HS1BP3: variants seen among roughly 807,000 people sequenced by gnomAD.
The protein encoded by HS1BP3 is HCLS1 binding protein 3, also known as HCLS1-binding protein 3.
Under a neutral mutation model 33.5 loss-of-function variants are expected in HS1BP3, and 32 were observed. That is an observed-to-expected ratio of 0.95 (90% confidence interval 0.72 to 1.28). The LOEUF (loss-of-function observed/expected upper bound fraction) is 1.28. Ranked by LOEUF, HS1BP3 falls within the 50% of genes most tolerant of loss-of-function variation. The pLI is 0.00. For missense variants in HS1BP3, 486 were observed against 502.3 expected (o/e 0.97, Z 0.31); for synonymous variants, 187 against 209.2 (o/e 0.89, Z 0.92).
At position 20,623,885 on chromosome 2, in the gene HS1BP3, A is replaced by T; in HGVS notation, c.920+11T>A. The T allele has an allele frequency of 6.2e-7, 1 of 1,609,590 alleles. No individual in the cohort carries two copies. The highest frequency in any genetic ancestry group is 8.5e-7 in the Non-Finnish European group (1 of 1,179,004). ...CAGAGCTGGCCAAGCGCCGCTGGGG[A>T]CAGGTGGTACCTGAACAGTTCCTTG... On this transcript the variant is annotated intron_variant, in intron 6 of 6. Coordinates refer to ENST00000304031, the MANE Select transcript of HS1BP3 (RefSeq NM_022460.4).
At chr2:20,598,653 G>A (rs1380106928) in intron 2 of HS1BP3, among the ~76,000 whole-genome samples, 2 of 132,772 alleles carry the variant, frequency 1.5e-5, no homozygotes, top group Non-Finnish European at 3.1e-5. Flanking sequence ...CCGCCTCCCG[G>A]GTTCACGCCA....
At chr2:20,582,711 T>A (rs1382015703) in intron 5 of HS1BP3, among the ~76,000 whole-genome samples, 1 of 152,114 alleles carries the variant, frequency 6.6e-6, no homozygotes, top group East Asian at 1.9e-4. Flanking sequence ...TGGCACTGTA[T>A]GTCCCAACTG....
At chr2:20,606,464 T>C (rs1694179213) in intron 2 of HS1BP3, 2 of 482,864 alleles carry the variant, frequency 4.1e-6, no homozygotes, top group Admixed American at 2.3e-5. Flanking sequence ...AAGTTTACAG[T>C]TGGGAACTTC....
In HS1BP3 at chr2:20,645,453, C is replaced by G. The variant is rs140634250; in HGVS notation, c.85G>C (p.Glu29Gln). The G allele has an allele frequency of 1.2e-6, 2 of 1,614,090 alleles. No individual in the cohort carries two copies. Among genetic ancestry groups the G allele is most frequent in the Non-Finnish European group, 1.7e-6 (2 of 1,180,002 alleles). Residue 29 changes from glutamate (E) to glutamine (Q), a missense_variant, in exon 2 of 7, where the codon GAG becomes CAG. Coordinates refer to ENST00000304031, the MANE Select transcript of HS1BP3 (RefSeq NM_022460.4). ...GLDLTVPQHQ[E>Q]VRGKMMSGHV... ...CCAGACATCATCTTGCCCCGTACCT[C>G]CTGGTGCTGGGGCACAGTCAGGTCG...
chr2:20,588,605 A>G (rs1693738189), downstream of HS1BP3, among the ~76,000 whole-genome samples: 1 of 152,146 alleles, frequency 6.6e-6, no homozygotes, highest in Non-Finnish European at 1.5e-5. Context: ...GGGGTTACAC[A>G]GGTGAACCAC....
At chr2:20,603,797 A>C (rs563645949) in intron 2 of HS1BP3, among the ~76,000 whole-genome samples, 1 of 152,338 alleles carries the variant, frequency 6.6e-6, no homozygotes, top group East Asian at 1.9e-4. Context: ...TGCTTGGCCT[A>C]CTCAGTAGAC....
chr2:20,562,140 T>C (rs1438188284), intron 5 of HS1BP3, among the ~76,000 whole-genome samples: 1 of 152,172 alleles, frequency 6.6e-6, no homozygotes, highest in East Asian at 1.9e-4. Flanking sequence ...TAGGCATCTC[T>C]TTCAACTCCG....
intron 2 of HS1BP3, among the ~76,000 whole-genome samples, chr2:20,606,018 C>T (rs1694169262): frequency 1.3e-5 from 2 of 152,144 alleles, no homozygotes; most frequent in Admixed American, 6.5e-5. Flanking sequence ...TGAGGAACCA[C>T]CACACTATTT....
intron 5 of HS1BP3, among the ~76,000 whole-genome samples, chr2:20,573,495 G>A (rs1424295263): frequency 6.6e-6 from 1 of 152,186 alleles, no homozygotes; most frequent in Non-Finnish European, 1.5e-5. Flanking sequence ...TAATTCAGCA[G>A]GTTTTGAGTT....
At chr2:20,583,952 G>A (rs1251778297) in intron 5 of HS1BP3, among the ~76,000 whole-genome samples, 1 of 152,180 alleles carries the variant, frequency 6.6e-6, no homozygotes, top group Non-Finnish European at 1.5e-5. Flanking sequence ...CCACGGCTCC[G>A]GGTTTCTGAA....
chr2:20,603,963 T>A (rs1427999333), intron 2 of HS1BP3, among the ~76,000 whole-genome samples: 1 of 152,194 alleles, frequency 6.6e-6, no homozygotes, highest in Non-Finnish European at 1.5e-5. Flanking sequence ...GCACTGGGTC[T>A]AGAGAGTGCT....
intron 2 of HS1BP3, among the ~76,000 whole-genome samples, chr2:20,609,322 A>G (rs1572330281): frequency 6.6e-6 from 1 of 152,124 alleles, no homozygotes; most frequent in Admixed American, 6.5e-5. Context: ...AGGACCATGC[A>G]CTCCCCAAGC....
At chr2:20,616,368 T>TA (rs1694425633), downstream of HS1BP3, among the ~76,000 whole-genome samples, 1 of 152,204 alleles carries the variant, frequency 6.6e-6, no homozygotes, top group African/African-American at 2.4e-5. Flanking sequence ...CAGAACTCTC[T>TA]ACTTCAGCAT....
At chr2:20,559,309 C>G (rs73916863), downstream of HS1BP3, among the ~76,000 whole-genome samples, 1 of 152,240 alleles carries the variant, frequency 6.6e-6, no homozygotes, top group Non-Finnish European at 1.5e-5. Context: ...CCATGAGGCC[C>G]GATCTGACTC....
chr2:20,649,185 C>A (rs1695610074), intron 1 of HS1BP3, among the ~76,000 whole-genome samples: 1 of 152,234 alleles, frequency 6.6e-6, no homozygotes, highest in Admixed American at 6.5e-5. Context: ...CCTTCTCGGC[C>A]TTTCCTGATC....
At chr2:20,619,343 C>A in intron 6 of HS1BP3, 98 bp from the exon 7 acceptor site, 1 of 1,094,230 alleles carries the variant, frequency 9.1e-7, no homozygotes, top group Non-Finnish European at 1.3e-6. Flanking sequence ...GGCTGGGCAG[C>A]GGCAGGGAGC....
chr2:20,619,943 G>A (rs1232068178), intron 6 of HS1BP3, among the ~76,000 whole-genome samples: 1 of 152,194 alleles, frequency 6.6e-6, no homozygotes. Flanking sequence ...GGATGGCCTC[G>A]GCCAGGGCCC....
chr2:20,639,330 T>C (rs777833814), intron 3 of HS1BP3, among the ~76,000 whole-genome samples: 1 of 152,256 alleles, frequency 6.6e-6, no homozygotes, highest in Non-Finnish European at 1.5e-5. Flanking sequence ...AGAAACTTCA[T>C]AGCATGCTGC....
At chr2:20,577,988 T>C (rs1693441714) in intron 5 of HS1BP3, among the ~76,000 whole-genome samples, 3 of 152,196 alleles carry the variant, frequency 2.0e-5, no homozygotes, top group Admixed American at 2.0e-4. Flanking sequence ...GCTGAGTAGG[T>C]TGTGGCCAGG....
Sources: allele counts gnomAD v4.1 joint callset (sites outside exome capture counted in the v4.1 genomes callset), GRCh38; gene constraint gnomAD v4.1.1; transcripts MANE v1.5; gene names NCBI Gene and HGNC (gene_info 2026-07-23, HGNC 2026-07-21).